The following FGD5 variants were observed in gnomAD, a reference collection of about 807,000 sequenced individuals.
FGD5 encodes the protein FYVE, RhoGEF and PH domain containing 5, also known as FYVE, RhoGEF and PH domain-containing protein 5.
Under a neutral mutation model 133.4 loss-of-function variants are expected in FGD5, and 28 were observed. The ratio of observed to expected loss-of-function variants is 0.21; its 90% confidence interval spans 0.16 to 0.29. FGD5 has a LOEUF of 0.29. FGD5 is among the 10% of genes least tolerant of loss of function. FGD5 has a pLI of 1.00. For synonymous variants in FGD5, 810 were observed against 776.5 expected, an observed-to-expected ratio of 1.04 and a Z score of -0.72; for missense variants, 1,858 against 1,895.2, an observed-to-expected ratio of 0.98 and a Z score of 0.36.
chr3:14,899,627 G>A (rs1017135021), intron 7 of FGD5, among the ~76,000 whole-genome samples: 7 of 152,328 alleles, frequency 4.6e-5, no homozygotes, highest in African/African-American at 1.7e-4. Context: ...CACCTACTAT[G>A]TACCAGGTCC....
chr3:14,850,595 G>A (rs138099590), intron 1 of FGD5, among the ~76,000 whole-genome samples: 3 of 152,162 alleles, frequency 2.0e-5, no homozygotes, highest in Non-Finnish European at 4.4e-5. Flanking sequence ...GTCATTTGTC[G>A]GGCACCTACT....
At position 14,917,469 on chromosome 3, in the gene FGD5, C is replaced by T. The variant is rs879842080; in HGVS notation, c.3489+137C>T. ...CTGCGGAAACAGTGTTGGGCTACAGCAAGTTTGTGCTGTAAGTTGCCCAGG... is the reference window on the plus strand; with the variant it reads ...CTGCGGAAACAGTGTTGGGCTACAGTAAGTTTGTGCTGTAAGTTGCCCAGG... On this transcript the variant is annotated intron_variant, in intron 12 of 19. Transcript: ENST00000285046. This position sits in a 1 kb window ranked among gnomAD's most constrained non-coding sequence, Gnocchi z 4.1. 2.7e-6 allele frequency: 2 copies of T among 736,948 alleles called. No individual in the cohort carries two copies. The highest frequency in any genetic ancestry group is 4.4e-6 in the Non-Finnish European group (2 of 451,210). The allele number at this position is 736,948 out of a possible 1,614,324, so 45.7% of individuals were successfully genotyped here.
chr3:14,885,887 G>C (rs1188172755), intron 4 of FGD5, among the ~76,000 whole-genome samples: 1 of 152,224 alleles, frequency 6.6e-6, no homozygotes, highest in African/African-American at 2.4e-5. Context: ...AGACCATTGA[G>C]ATAGGAGAGA....
chr3:14,910,416 A>T (rs995932124), intron 10 of FGD5, among the ~76,000 whole-genome samples: 11 of 152,016 alleles, frequency 7.2e-5, no homozygotes, highest in Admixed American at 1.3e-4. Flanking sequence ...GAATTTTGTG[A>T]GTGTTTTGTT....
At chr3:14,825,780 C>T (rs1289334000) in intron 1 of FGD5, among the ~76,000 whole-genome samples, 1 of 152,114 alleles carries the variant, frequency 6.6e-6, no homozygotes, top group African/African-American at 2.4e-5. Flanking sequence ...GTCTTATGTC[C>T]TAAGTCACTG....
intron 13 of FGD5, among the ~76,000 whole-genome samples, chr3:14,919,650 A>G (rs979039434): frequency 3.3e-5 from 5 of 152,138 alleles, no homozygotes; most frequent in African/African-American, 4.8e-5. Flanking sequence ...CAAAAATACC[A>G]TAAACTGAGT....
intron 4 of FGD5, among the ~76,000 whole-genome samples, chr3:14,886,438 G>C (rs1252278569): frequency 2.0e-5 from 3 of 152,214 alleles, no homozygotes; most frequent in Non-Finnish European, 4.4e-5. Flanking sequence ...AGAAACAGCA[G>C]AGGGCTTCTT....
At chr3:14,918,980 C>T (rs2038619090) in intron 13 of FGD5, 147 bp downstream of exon 13, 15 of 834,928 alleles carry the variant, frequency 1.8e-5, no homozygotes, top group Non-Finnish European at 2.6e-5. Context: ...TTTTTCTTTT[C>T]AGTGTTTCTT....
intron 1 of FGD5, among the ~76,000 whole-genome samples, chr3:14,849,689 A>T (rs1370649761): frequency 1.3e-5 from 2 of 152,136 alleles, no homozygotes; most frequent in African/African-American, 4.8e-5. Context: ...GCATAGACTC[A>T]TTGTCAGAGG....
chr3:14,908,490 A>G (rs2038381253), intron 10 of FGD5, among the ~76,000 whole-genome samples: 1 of 152,126 alleles, frequency 6.6e-6, no homozygotes, highest in Non-Finnish European at 1.5e-5. Context: ...CTTGAGCACC[A>G]TGATCCCAAA....
chr3:14,923,995 C>A lies in FGD5; in HGVS notation c.3938-13C>A. On this transcript the variant is annotated splice_polypyrimidine_tract_variant and intron_variant, in intron 16 of 19. Transcript: ENST00000285046. ...CTCTCACCTCCCTTCCATGTGGCTT[C>A]TTTCAGTTACAGAGCGGCCTGTGAG... The A allele has an allele frequency of 6.2e-7, 1 of 1,613,858 alleles. No homozygotes were observed. The highest frequency in any genetic ancestry group is 8.5e-7 in the Non-Finnish European group (1 of 1,179,854).
intron 1 of FGD5, chr3:14,810,946 G>T (rs1230941186): frequency 1.0e-6 from 1 of 972,648 alleles, no homozygotes; most frequent in African/African-American, 1.8e-5. Flanking sequence ...AGCTCCCGGG[G>T]AGCCCGGGGC....
intron 18 of FGD5, among the ~76,000 whole-genome samples, chr3:14,929,649 T>C (rs976237616): frequency 6.6e-6 from 1 of 152,258 alleles, no homozygotes; most frequent in Non-Finnish European, 1.5e-5. Flanking sequence ...GCCACTCATA[T>C]TTCCATTTGA....
chr3:14,832,815 G>C (rs1328064554), intron 1 of FGD5, among the ~76,000 whole-genome samples: 1 of 152,176 alleles, frequency 6.6e-6, no homozygotes, highest in Non-Finnish European at 1.5e-5. Flanking sequence ...GACTTGGACA[G>C]CCTACAGAGA....
At chr3:14,887,351 C>G (rs1379191031) in intron 4 of FGD5, among the ~76,000 whole-genome samples, 1 of 152,006 alleles carries the variant, frequency 6.6e-6, no homozygotes, top group Non-Finnish European at 1.5e-5. Flanking sequence ...GGAGCAAGTT[C>G]TCCTCCCAGC....
intron 4 of FGD5, among the ~76,000 whole-genome samples, chr3:14,889,917 T>C (rs937008669): frequency 3.3e-5 from 5 of 152,244 alleles, no homozygotes; most frequent in African/African-American, 1.2e-4. Flanking sequence ...TCTTTAAGTA[T>C]TCTGGACACA....
Position 14,892,827 on chromosome 3 carries a change from AAAAAG to A in FGD5, c.2749-4678_2749-4674del, listed in dbSNP as rs1449622232. On this transcript the variant is annotated intron_variant, in intron 4 of 19. Coordinates refer to ENST00000285046, the MANE Select transcript of FGD5 (RefSeq NM_152536.4). Reference sequence around the variant, plus strand: ...AGAGCAAAAATCCATCTCAAAAAAAAAAAAGAAAGAAAGAAAGAAAGAAAACTGTC... The same window carrying A: ...AGAGCAAAAATCCATCTCAAAAAAAAAAAGAAAGAAAGAAAGAAAACTGTC... 2.4e-3 allele frequency among the ~76,000 whole-genome samples: 364 copies of A among 152,172 alleles called. 1 individual carries two copies. Among genetic ancestry groups the A allele is most frequent in the African/African-American group, 3.4e-3 (143 of 41,546 alleles).
intron 1 of FGD5, among the ~76,000 whole-genome samples, chr3:14,826,397 G>A (rs2036598822): frequency 6.6e-6 from 1 of 152,090 alleles, no homozygotes; most frequent in Admixed American, 6.5e-5. Flanking sequence ...GTTTACAGAT[G>A]AGGACACCGT....
intron 1 of FGD5, among the ~76,000 whole-genome samples, chr3:14,851,045 T>C (rs2037153664): frequency 6.6e-6 from 1 of 152,158 alleles, no homozygotes; most frequent in African/African-American, 2.4e-5. Context: ...CTAGTTCTCT[T>C]ATTTTACAGA....
Sources: gnomAD v4.1 joint callset for allele counts (sites outside exome capture counted in the v4.1 genomes callset) on GRCh38, gnomAD v4.1.1 for gene constraint, Gnocchi (gnomAD v3.1) non-coding constraint, MANE v1.5 for transcripts, NCBI Gene and HGNC (gene_info 2026-07-23, HGNC 2026-07-21) for gene names.